Variants in RAB3GAP2 observed in about 807,000 individuals in gnomAD.
RAB3GAP2 encodes the protein RAB3 GTPase activating non-catalytic protein subunit 2.
RAB3GAP2 carries 87 observed loss-of-function variants against 185.3 expected under a neutral mutation model. The ratio of observed to expected loss-of-function variants is 0.47; its 90% CI spans 0.39 to 0.56. RAB3GAP2 has a LOEUF of 0.56. Among genes scored for constraint, RAB3GAP2 ranks in the 20% least tolerant of loss-of-function variants. The pLI, the probability that RAB3GAP2 is intolerant of heterozygous loss-of-function variation, is 0.00. For synonymous variants in RAB3GAP2, 554 were observed against 576.1 expected (o/e 0.96, Z 0.55); for missense variants, 1,492 against 1,638.2 (o/e 0.91, Z 1.54).
intron 2 of RAB3GAP2, 101 bp downstream of exon 2, chr1:220,232,698 C>G: frequency 9.2e-7 from 1 of 1,085,328 alleles, no homozygotes; most frequent in African/African-American, 1.6e-5. Flanking sequence ...ATATTCTTGA[C>G]ATCGAATTTA....
intron 1 of RAB3GAP2, among the ~76,000 whole-genome samples, chr1:220,240,559 C>G (rs1458024737): frequency 6.6e-6 from 1 of 152,024 alleles, no homozygotes; most frequent in Non-Finnish European, 1.5e-5. Flanking sequence ...GTTTGTCCAC[C>G]TCAGTTGCTG....
In RAB3GAP2 at chr1:220,189,951, C is replaced by T. The variant is rs1658582251; in HGVS notation, c.1714+113G>A. 4.6e-6 allele frequency: 5 copies of T among 1,094,294 alleles called. No homozygotes were observed. In the African/African-American group the frequency reaches 4.7e-5, roughly 10 times the overall value. The allele number at this position is 1,094,294 out of a possible 1,614,324, so 67.8% of individuals were successfully genotyped here. On this transcript the variant is annotated intron_variant, in intron 16 of 34. Coordinates refer to ENST00000358951, the MANE Select transcript of RAB3GAP2 (RefSeq NM_012414.4). ...GATGGCACACTTCAGCCTTACAGAGCAATTCCAATAAGCTCATCCATGCAT... is the reference window on the plus strand; with the variant it reads ...GATGGCACACTTCAGCCTTACAGAGTAATTCCAATAAGCTCATCCATGCAT...
chr1:220,153,037 T>A (rs1657791896), intron 33 of RAB3GAP2, 148 bp downstream of exon 33: 1 of 692,824 alleles, frequency 1.4e-6, no homozygotes, highest in Non-Finnish European at 2.6e-6. Context: ...TTTTATGTTT[T>A]AAAAAATATT....
chr1:220,176,626 C>T (rs973338940), intron 21 of RAB3GAP2, among the ~76,000 whole-genome samples: 1 of 152,220 alleles, frequency 6.6e-6, no homozygotes, highest in African/African-American at 2.4e-5. Flanking sequence ...GCTGCTCTCA[C>T]CTTCCTTAGC....
chr1:220,216,610 T>G (rs1659206229), intron 2 of RAB3GAP2, among the ~76,000 whole-genome samples: 1 of 152,176 alleles, frequency 6.6e-6, no homozygotes, highest in Admixed American at 6.5e-5. Context: ...ACAGCTTATA[T>G]AGGAATATTA....
rs554304525 is a variant in RAB3GAP2 at position 220,262,133 on chromosome 1, C to CA, written c.115+10089dup. ...TGAAACCCCATCTCTACTAAAAATA[C>CA]AAAAAAAAAAAAAAAAAATTAGCCA... On this transcript the variant is annotated intron_variant, in intron 1 of 34. Transcript: ENST00000358951. Among the ~76,000 whole-genome samples the CA allele has an allele frequency of 8.2e-3, 916 of 112,324 alleles. 14 individuals carry two copies. Among genetic ancestry groups the CA allele is most frequent in the Admixed American group, 0.029 (319 of 11,160 alleles). The allele number at this position is 112,324 out of a possible 152,430, so 73.7% of individuals were successfully genotyped here. A position where few individuals can be genotyped will look rare whatever the true frequency, so the allele number is the denominator to read the frequency against.
At chr1:220,208,118 C>T (rs1659004720) in intron 7 of RAB3GAP2, 1 of 152,130 alleles carries the variant, frequency 6.6e-6, no homozygotes, top group Non-Finnish European at 1.5e-5. Flanking sequence ...TTGCTTTGTA[C>T]AGCAAATAGC....
intron 18 of RAB3GAP2, among the ~76,000 whole-genome samples, chr1:220,184,563 A>G (rs1658474529): frequency 6.6e-6 from 1 of 152,140 alleles, no homozygotes. Flanking sequence ...AATCCCCTCA[A>G]AATCTTATTT....
At chr1:220,180,126 C>T (rs1012186331) in intron 21 of RAB3GAP2, among the ~76,000 whole-genome samples, 6 of 152,046 alleles carry the variant, frequency 3.9e-5, no homozygotes, top group Admixed American at 1.3e-4. Flanking sequence ...CGCACCACTG[C>T]ACTCCAGCCT....
chr1:220,233,197 G>T (rs1480738472), intron 1 of RAB3GAP2, among the ~76,000 whole-genome samples: 1 of 152,052 alleles, frequency 6.6e-6, no homozygotes, highest in African/African-American at 2.4e-5. Context: ...ATCTAAAAAT[G>T]ACAAATGTTT....
At position 220,188,250 on chromosome 1, in the gene RAB3GAP2, TA is replaced by T. The variant is rs1658541525; in HGVS notation, c.1779+1452del. Among the ~76,000 whole-genome samples the T allele has an allele frequency of 2.0e-5, 3 of 152,226 alleles. 1 individual carries two copies. Among genetic ancestry groups the T allele is most frequent in the South Asian group, 4.1e-4 (2 of 4,820 alleles). ...TGAATTATAAAAATCAAGTATTTGGTAAGGTTCCTACTTGAAGGAGCTTAAA... is the reference window on the plus strand; with the variant it reads ...TGAATTATAAAAATCAAGTATTTGGTAGGTTCCTACTTGAAGGAGCTTAAA... On this transcript the variant is annotated intron_variant, in intron 17 of 34. Transcript: ENST00000358951.
chr1:220,223,707 C>T (rs1253610464), intron 2 of RAB3GAP2, among the ~76,000 whole-genome samples: 3 of 147,594 alleles, frequency 2.0e-5, no homozygotes, highest in Admixed American at 2.0e-4. Context: ...AAAAAAAAAA[C>T]AATAGCACAC....
intron 21 of RAB3GAP2, among the ~76,000 whole-genome samples, chr1:220,173,154 T>C (rs1335181158): frequency 1.3e-5 from 2 of 152,208 alleles, no homozygotes; most frequent in Non-Finnish European, 2.9e-5. Context: ...GCCTTGGCTG[T>C]ACAAAGGTAT....
intron 26 of RAB3GAP2, 65 bp from the exon 27 acceptor site, chr1:220,164,864 T>C: frequency 2.8e-6 from 4 of 1,450,912 alleles, no homozygotes; most frequent in Admixed American, 1.9e-5. Flanking sequence ...TTTACCATTA[T>C]CAATGGAGAC....
rs1165153497 is a variant in RAB3GAP2 at position 220,253,749 on chromosome 1, C to T, written c.115+18474G>A. 5.6e-6 allele frequency: 9 copies of T among 1,611,524 alleles called. No homozygotes were observed. In the Admixed American group the frequency reaches 8.3e-5, roughly 15 times the overall value. ...ATTGGGATGAGTGGGTTCCGGAGAG[C>T]AGAGTACTCAAATACGTGGACACCA... On this transcript the variant is annotated intron_variant, in intron 1 of 34. Coordinates refer to ENST00000358951, the MANE Select transcript of RAB3GAP2 (RefSeq NM_012414.4).
intron 2 of RAB3GAP2, 59 bp from the exon 3 acceptor site, chr1:220,214,038 C>A (rs1317207887): frequency 3.8e-6 from 6 of 1,558,616 alleles, no homozygotes; most frequent in Non-Finnish European, 5.3e-6. Context: ...TCAAACTCAG[C>A]TTGCCTGTCT....
At chr1:220,217,687 A>G (rs1659224299) in intron 2 of RAB3GAP2, among the ~76,000 whole-genome samples, 1 of 152,204 alleles carries the variant, frequency 6.6e-6, no homozygotes, top group African/African-American at 2.4e-5. Flanking sequence ...TATCTCTTAA[A>G]TAATATATTA....
chr1:220,171,028 C>A lies in RAB3GAP2; in HGVS notation c.2670G>T (p.Leu890=). ...SLDTEYWKLL[L]KQLEDCLILQ... ...GTATGAGACAATCCTCCAGCTGTTT[C>A]AGAAGGAGTTTCCAGTACTCAGTGT... The change falls in exon 24 of 35, where the codon CTG becomes CTT. Residue 890 remains leucine (L), a synonymous_variant. Transcript: ENST00000358951. 1 of 1,614,118 alleles carries A rather than the reference C, an allele frequency of 6.2e-7. No homozygotes were observed.
chr1:220,157,374 G>A lies in RAB3GAP2; in HGVS notation c.3451C>T (p.His1151Tyr), dbSNP rs1657876490. Residue 1151 changes from histidine (H) to tyrosine (Y), a missense_variant, in exon 31 of 35, where the codon CAC (histidine) becomes TAC (tyrosine). His to Tyr is a moderately conservative substitution (Grantham distance 83). Coordinates refer to ENST00000358951, the MANE Select transcript of RAB3GAP2 (RefSeq NM_012414.4). ...GAGTGGTGCTCCACCAGTGGGTAGT[G>A]GATGTGCTTCTGTTCAAGGGCCAGT... ...VELALEQKHI[H>Y]YPLVEHHSIL... 8.1e-6 allele frequency: 13 copies of A among 1,613,638 alleles called. No individual in the cohort carries two copies. The highest frequency in any genetic ancestry group is 1.1e-5 in the Non-Finnish European group (13 of 1,179,976).
Sources: gnomAD v4.1 joint callset for allele counts (sites outside exome capture counted in the v4.1 genomes callset) on GRCh38, gnomAD v4.1.1 for gene constraint, MANE v1.5 for transcripts, NCBI Gene and HGNC (gene_info 2026-07-23, HGNC 2026-07-21) for gene names.